CDH2: variants seen among roughly 807,000 people sequenced by gnomAD.
The protein encoded by CDH2 is cadherin-2.
CDH2 carries 17 observed loss-of-function variants against 92.0 expected under a neutral mutation model. The observed-to-expected ratio is 0.18, with a 90% CI of 0.13 to 0.28. The LOEUF (loss-of-function observed/expected upper bound fraction) is 0.28, where lower values mean the gene tolerates loss of function less well. Ranked by LOEUF, CDH2 falls within the 10% of genes least tolerant of loss-of-function variation. The pLI is 1.00. For missense variants in CDH2, 862 were observed against 1,133.1 expected (o/e 0.76, Z 3.44); for synonymous variants, 419 against 415.9 (o/e 1.01, Z -0.09).
chr18:28,140,911 C>T (rs891225425), intron 2 of CDH2, among the ~76,000 whole-genome samples: 1 of 130,204 alleles, frequency 7.7e-6, no homozygotes, highest in Non-Finnish European at 1.6e-5. Flanking sequence ...TATATATATA[C>T]CTATATATAT....
chr18:28,011,620 C>T (rs2013101894), intron 4 of CDH2, among the ~76,000 whole-genome samples: 1 of 152,102 alleles, frequency 6.6e-6, no homozygotes, highest in African/African-American at 2.4e-5. Flanking sequence ...CTTTCTAATC[C>T]ACAGTGTGCA....
At chr18:27,978,760 C>T (rs893205011) in intron 14 of CDH2, among the ~76,000 whole-genome samples, 1 of 152,040 alleles carries the variant, frequency 6.6e-6, no homozygotes, top group African/African-American at 2.4e-5. Flanking sequence ...TCAAGCAGTC[C>T]TCCTATCTCA....
intron 1 of CDH2, among the ~76,000 whole-genome samples, chr18:28,176,251 CG>C (rs1001841047): frequency 9.2e-5 from 14 of 152,198 alleles, no homozygotes; most frequent in African/African-American, 3.4e-4. Flanking sequence ...AGCCGCGTAA[CG>C]GAACTTCTCG....
At chr18:27,952,677 G>GCC (rs1469537132) in intron 15 of CDH2, among the ~76,000 whole-genome samples, 5 of 152,126 alleles carry the variant, frequency 3.3e-5, no homozygotes, top group African/African-American at 1.2e-4. Context: ...TTGAGGCAGA[G>GCC]AAGAAAGGAT....
rs560503887 is a variant in CDH2 at position 28,107,481 on chromosome 18, T to C, written c.172+40192A>G. On this transcript the variant is annotated intron_variant, in intron 2 of 15. Transcript: ENST00000269141. ...CTTAAAATGATGCAAAACTAAATAATAAAAAGTCCAATGTAGAAAATACGA... is the reference window on the plus strand; with the variant it reads ...CTTAAAATGATGCAAAACTAAATAACAAAAAGTCCAATGTAGAAAATACGA... Among the ~76,000 whole-genome samples the C allele has an allele frequency of 2.6e-5, 4 of 152,196 alleles. No homozygotes were observed. In the South Asian group the frequency reaches 6.2e-4, roughly 24 times the overall value.
intron 2 of CDH2, among the ~76,000 whole-genome samples, chr18:28,041,290 T>A (rs1027565961): frequency 2.6e-5 from 4 of 152,246 alleles, no homozygotes; most frequent in African/African-American, 9.6e-5. Flanking sequence ...AAAAACATTT[T>A]ACTTAGAAAT....
chr18:28,114,025 G>A (rs2015455119), intron 2 of CDH2, among the ~76,000 whole-genome samples: 1 of 152,078 alleles, frequency 6.6e-6, no homozygotes, highest in South Asian at 2.1e-4. Context: ...CCTCCAACAA[G>A]TAAGATGTTA....
chr18:28,166,172 A>ATATATATATATATATATG (rs1568024455), intron 1 of CDH2, among the ~76,000 whole-genome samples: 1 of 136,966 alleles, frequency 7.3e-6, no homozygotes, highest in African/African-American at 2.6e-5. Flanking sequence ...ATATATATAT[A>ATATATATATATATATATG]TGTCTGTATT....
chr18:28,110,070 A>C (rs745568914), intron 2 of CDH2, among the ~76,000 whole-genome samples: 2 of 152,194 alleles, frequency 1.3e-5, no homozygotes, highest in Non-Finnish European at 2.9e-5. Flanking sequence ...GCAATAACCC[A>C]ACACACTTAG....
chr18:27,969,718 G>C (rs1045144488), intron 14 of CDH2, among the ~76,000 whole-genome samples: 3 of 152,180 alleles, frequency 2.0e-5, no homozygotes, highest in African/African-American at 7.2e-5. Context: ...GTTTGGCCAG[G>C]TACGGCAGCT....
chr18:28,176,515 G>A (rs996917376), intron 1 of CDH2, among the ~76,000 whole-genome samples: 3 of 152,174 alleles, frequency 2.0e-5, no homozygotes, highest in Admixed American at 6.5e-5. Context: ...CCGTAACTAA[G>A]ACACCAGAGT....
At chr18:28,036,699 C>G (rs1035968800) in intron 2 of CDH2, 2 of 631,252 alleles carry the variant, frequency 3.2e-6, no homozygotes, top group Non-Finnish European at 5.6e-6. Context: ...GTCAGCAAAA[C>G]AGAGATTGGG....
At chr18:28,025,620 A>G (rs1289042581) in intron 2 of CDH2, among the ~76,000 whole-genome samples, 2 of 151,202 alleles carry the variant, frequency 1.3e-5, no homozygotes, top group African/African-American at 4.8e-5. Flanking sequence ...ATTAATTTTA[A>G]TTGACACATA....
In CDH2 at chr18:28,143,197, AAT is replaced by A. The variant is rs551588883; in HGVS notation, c.172+4474_172+4475del. Among the ~76,000 whole-genome samples the A allele has an allele frequency of 1.6e-3, 238 of 152,164 alleles. 2 individuals carry two copies. Among genetic ancestry groups the A allele is most frequent in the Non-Finnish European group, 2.5e-3 (170 of 67,948 alleles). Reference sequence around the variant, plus strand: ...AGATTCAGAGGAGTTTACTTAGAGAAATATCTAAGCATGCAGACCACCAATGC... The same window carrying A: ...AGATTCAGAGGAGTTTACTTAGAGAAATCTAAGCATGCAGACCACCAATGC... On this transcript the variant is annotated intron_variant, in intron 2 of 15. Coordinates refer to ENST00000269141, the MANE Select transcript of CDH2 (RefSeq NM_001792.5).
At chr18:28,151,178 T>TG (rs900908524) in intron 1 of CDH2, among the ~76,000 whole-genome samples, 2 of 152,256 alleles carry the variant, frequency 1.3e-5, no homozygotes, top group African/African-American at 2.4e-5. Flanking sequence ...TAATCCTTGT[T>TG]GGGCATTGGA....
intron 2 of CDH2, among the ~76,000 whole-genome samples, chr18:28,070,607 C>A (rs887298792): frequency 6.6e-6 from 1 of 152,176 alleles, no homozygotes; most frequent in African/African-American, 2.4e-5. Flanking sequence ...CTGGGCTGGA[C>A]GCTTCACTAA....
chr18:28,083,780 G>A (rs191241994), intron 2 of CDH2, among the ~76,000 whole-genome samples: 54 of 152,228 alleles, frequency 3.5e-4, no homozygotes, highest in Non-Finnish European at 6.3e-4. Flanking sequence ...TTTCTGCTGA[G>A]GCAAATGGAC....
intron 2 of CDH2, among the ~76,000 whole-genome samples, chr18:28,065,848 T>G (rs1315835134): frequency 1.3e-5 from 2 of 152,202 alleles, no homozygotes; most frequent in African/African-American, 4.8e-5. Context: ...TTATTTCTTA[T>G]TGGCAACACC....
At chr18:28,087,165 G>T (rs1476323245) in intron 2 of CDH2, among the ~76,000 whole-genome samples, 1 of 152,138 alleles carries the variant, frequency 6.6e-6, no homozygotes, top group East Asian at 1.9e-4. Context: ...GAATTTGATA[G>T]CATTCTTTAT....
Sources: allele counts gnomAD v4.1 joint callset (sites outside exome capture counted in the v4.1 genomes callset), GRCh38; gene constraint gnomAD v4.1.1; transcripts MANE v1.5; gene names NCBI Gene and HGNC (gene_info 2026-07-23, HGNC 2026-07-21).